Variants in TMEM248 observed in about 807,000 individuals in gnomAD.
TMEM248 encodes transmembrane protein 248.
In TMEM248, 9 loss-of-function variants were observed where a neutral mutation model predicts 30.3. That is an observed-to-expected ratio of 0.30 (90% confidence interval 0.18 to 0.52). The LOEUF is 0.52. TMEM248 is among the 20% of genes least tolerant of loss of function. The probability of loss-of-function intolerance (pLI) is 0.97; values close to 1 mark genes in which losing one functional copy is unlikely to be tolerated. For synonymous variants in TMEM248, 184 were observed against 154.4 expected (o/e 1.19, Z -1.42); for missense variants, 338 against 403.3 (o/e 0.84, Z 1.39).
chr7:66,935,362 T>C (rs1007688985), intron 1 of TMEM248, among the ~76,000 whole-genome samples: 1 of 152,010 alleles, frequency 6.6e-6, no homozygotes, highest in South Asian at 2.1e-4. Flanking sequence ...TTTGTATTTT[T>C]AGTAGAGACA....
At chr7:66,945,708 T>C (rs1243381555) in intron 3 of TMEM248, among the ~76,000 whole-genome samples, 2 of 152,194 alleles carry the variant, frequency 1.3e-5, no homozygotes, top group Admixed American at 1.3e-4. Context: ...CCCAGCACTT[T>C]GGGAGGCCGA....
chr7:66,951,290 A>T, intron 5 of TMEM248, 155 bp downstream of exon 5: 1 of 605,746 alleles, frequency 1.7e-6, no homozygotes, highest in Non-Finnish European at 2.5e-6. Flanking sequence ...CACTAGGCGG[A>T]GTGGTGGATG....
chr7:66,924,676 A>T (rs1236680150), intron 1 of TMEM248, among the ~76,000 whole-genome samples: 1 of 151,776 alleles, frequency 6.6e-6, no homozygotes, highest in Non-Finnish European at 1.5e-5. Context: ...AAGTGCTGGG[A>T]TTACAGGCAT....
At chr7:66,944,426 CTGCT>C (rs1453414815) in intron 2 of TMEM248, among the ~76,000 whole-genome samples, 1 of 152,064 alleles carries the variant, frequency 6.6e-6, no homozygotes, top group Non-Finnish European at 1.5e-5. Context: ...GAAATCGTTG[CTGCT>C]CTAAGGTGTC....
intron 1 of TMEM248, chr7:66,930,863 A>C (rs1457511763): frequency 6.6e-6 from 1 of 152,668 alleles, no homozygotes; most frequent in Non-Finnish European, 1.5e-5. Context: ...TTTCTGCTAC[A>C]TGAAGGTGAG....
At chr7:66,941,041 G>A (rs897958214) in intron 1 of TMEM248, among the ~76,000 whole-genome samples, 4 of 152,136 alleles carry the variant, frequency 2.6e-5, no homozygotes, top group Non-Finnish European at 5.9e-5. Context: ...CTTGAGGCTA[G>A]GAGATCAAGA....
At chr7:66,932,158 G>A (rs889893521) in intron 1 of TMEM248, among the ~76,000 whole-genome samples, 4 of 152,080 alleles carry the variant, frequency 2.6e-5, no homozygotes, top group Admixed American at 6.6e-5. Flanking sequence ...TGGTACAAAA[G>A]TAATCGTGGT....
chr7:66,931,923 G>A (rs10263993), intron 1 of TMEM248, among the ~76,000 whole-genome samples: 17,829 of 147,482 alleles, frequency 0.12, 1,217 homozygotes, highest in East Asian at 0.2. Context: ...TCCTGCCTCA[G>A]CCTCTCAAGT....
At chr7:66,924,495 T>G (rs957137738) in intron 1 of TMEM248, among the ~76,000 whole-genome samples, 6 of 152,032 alleles carry the variant, frequency 3.9e-5, no homozygotes, top group Non-Finnish European at 8.8e-5. Context: ...ACCTCCGCCT[T>G]CCGGGTTCAA....
intron 1 of TMEM248, among the ~76,000 whole-genome samples, chr7:66,924,568 C>G (rs1440839963): frequency 6.6e-6 from 1 of 152,190 alleles, no homozygotes; most frequent in East Asian, 1.9e-4. Flanking sequence ...CCATGCCTGG[C>G]TAATTTTTCT....
At chr7:66,950,389 T>A (rs1337249974) in intron 4 of TMEM248, among the ~76,000 whole-genome samples, 4 of 152,110 alleles carry the variant, frequency 2.6e-5, no homozygotes, top group African/African-American at 9.7e-5. Context: ...TCCCATGAGA[T>A]ATGATGGTTT....
At chr7:66,949,803 G>GTT (rs138580783) in intron 4 of TMEM248, among the ~76,000 whole-genome samples, 1 of 151,552 alleles carries the variant, frequency 6.6e-6, no homozygotes, top group Non-Finnish European at 1.5e-5. Context: ...TGCATTTTAG[G>GTT]TTTTTTTTGT....
intron 6 of TMEM248, among the ~76,000 whole-genome samples, chr7:66,955,086 G>A (rs756709575): frequency 6.6e-6 from 1 of 152,230 alleles, no homozygotes; most frequent in Middle Eastern, 3.4e-3. Flanking sequence ...AACATAGTGA[G>A]AACCCTTCTC....
intron 6 of TMEM248, among the ~76,000 whole-genome samples, chr7:66,953,669 A>G (rs960946986): frequency 6.6e-6 from 1 of 151,822 alleles, no homozygotes; most frequent in African/African-American, 2.4e-5. Flanking sequence ...CAGTGGCACT[A>G]TCTTGGCTCA....
At chr7:66,941,803 C>T in intron 1 of TMEM248, 45 bp from the exon 2 acceptor site, 1 of 1,527,536 alleles carries the variant, frequency 6.5e-7, no homozygotes, top group Admixed American at 1.9e-5. Flanking sequence ...CATAGCTTTC[C>T]TGTTGGCAAG....
chr7:66,942,149 A>T, intron 2 of TMEM248, 125 bp downstream of exon 2: 1 of 1,067,532 alleles, frequency 9.4e-7, no homozygotes, highest in South Asian at 1.8e-5. Flanking sequence ...ATCAGTATTT[A>T]TTCAGAATTT....
At chr7:66,926,514 C>G (rs1036326092) in intron 1 of TMEM248, among the ~76,000 whole-genome samples, 1 of 151,772 alleles carries the variant, frequency 6.6e-6, no homozygotes, top group Admixed American at 6.6e-5. Context: ...TGCTTACAAG[C>G]TACTTCAGCT....
rs1792411561 is a variant in TMEM248, at chr7:66,956,620, A to C, written c.*1098A>C. ...AACGATGCCTGCAAAATTTGAAGGA[A>C]TGCAATTCTGATTTGCCATTTATCA... On this transcript the variant is annotated 3_prime_UTR_variant, in exon 7 of 7. Coordinates refer to ENST00000341567, the MANE Select transcript of TMEM248 (RefSeq NM_017994.5). 6.6e-6 allele frequency: 1 copy of C among 152,216 alleles called. No individual in the cohort carries two copies. The highest frequency in any genetic ancestry group is 2.4e-5 in the African/African-American group (1 of 41,452). The allele number at this position is 152,216 out of a possible 1,614,324, so 9.4% of individuals were successfully genotyped here. A position where few individuals can be genotyped will look rare whatever the true frequency, so the allele number is the denominator to read the frequency against.
At chr7:66,938,548 G>A (rs1791862963) in intron 1 of TMEM248, among the ~76,000 whole-genome samples, 2 of 152,060 alleles carry the variant, frequency 1.3e-5, no homozygotes, top group Admixed American at 6.6e-5. Context: ...TCGCTCTATC[G>A]TCGAAGCTGA....
Sources: gnomAD v4.1 joint callset for allele counts (sites outside exome capture counted in the v4.1 genomes callset) on GRCh38, gnomAD v4.1.1 for gene constraint, MANE v1.5 for transcripts, NCBI Gene and HGNC (gene_info 2026-07-23, HGNC 2026-07-21) for gene names.